FBXL20: variants seen among roughly 807,000 people sequenced by gnomAD.
The protein encoded by FBXL20 is F-box and leucine rich repeat protein 20, also known as F-box/LRR-repeat protein 20.
In FBXL20, 11 loss-of-function variants were observed where a neutral mutation model predicts 64.0. The ratio of observed to expected loss-of-function variants is 0.17; its 90% CI spans 0.11 to 0.28. The LOEUF is 0.28. FBXL20 is among the 10% of genes least tolerant of loss of function. The probability of loss-of-function intolerance (pLI) is 1.00; values close to 1 mark genes in which losing one functional copy is unlikely to be tolerated. For missense variants in FBXL20, 303 were observed against 526.2 expected, an observed-to-expected ratio of 0.58 and a Z score of 4.15; for synonymous variants, 184 against 189.0, an observed-to-expected ratio of 0.97 and a Z score of 0.22.
In FBXL20 at chr17:39,259,981, TAAAAAAAAAAAA is replaced by T. The variant is rs754354912; in HGVS notation, c.*1467_*1478del. The T allele has an allele frequency of 6.4e-5, 5 of 78,532 alleles. No individual in the cohort carries two copies. The highest frequency in any genetic ancestry group is 3.6e-4 in the East Asian group (1 of 2,790). The allele number at this position is 78,532 out of a possible 1,614,324, so 4.9% of individuals were successfully genotyped here. ...TCTGGGCAAGAGTGAGAACCCGTCT[TAAAAAAAAAAAA>T]AAAAAAAAAAAAAGACTGGGGCAGA... On this transcript the variant is annotated 3_prime_UTR_variant, in exon 15 of 15. Coordinates refer to ENST00000264658, the MANE Select transcript of FBXL20 (RefSeq NM_032875.3).
chr17:39,392,831 G>A (rs1361896962), intron 1 of FBXL20, among the ~76,000 whole-genome samples: 3 of 151,984 alleles, frequency 2.0e-5, no homozygotes, highest in Non-Finnish European at 2.9e-5. Flanking sequence ...TGACCAACAC[G>A]GTGAAATCCC....
At chr17:39,384,134 G>A (rs2144661238) in intron 1 of FBXL20, among the ~76,000 whole-genome samples, 1 of 152,114 alleles carries the variant, frequency 6.6e-6, no homozygotes, top group South Asian at 2.1e-4. Flanking sequence ...ACTTGGGAGG[G>A]TAAGGTGGAA....
chr17:39,262,439 C>G (rs2046755137), intron 14 of FBXL20, among the ~76,000 whole-genome samples: 1 of 151,960 alleles, frequency 6.6e-6, no homozygotes, highest in African/African-American at 2.4e-5. Flanking sequence ...TGCCACCATG[C>G]TCGGCTAATT....
intron 2 of FBXL20, among the ~76,000 whole-genome samples, chr17:39,318,851 A>C (rs78739040): frequency 0.022 from 3,418 of 152,122 alleles, 122 homozygotes; most frequent in African/African-American, 0.078. Context: ...CCTAAAAAAG[A>C]AGCTCATAGC....
intron 1 of FBXL20, among the ~76,000 whole-genome samples, chr17:39,361,723 G>C (rs951738034): frequency 6.6e-6 from 1 of 152,024 alleles, no homozygotes; most frequent in Admixed American, 6.6e-5. Context: ...CTTGAACCTG[G>C]GAGGCGGAGT....
intron 2 of FBXL20, among the ~76,000 whole-genome samples, chr17:39,338,918 G>A (rs1251269754): frequency 1.3e-5 from 2 of 152,104 alleles, no homozygotes; most frequent in South Asian, 4.1e-4. Flanking sequence ...TGTAATTCCA[G>A]TACTTTGGGA....
intron 2 of FBXL20, among the ~76,000 whole-genome samples, chr17:39,319,222 C>T (rs929873266): frequency 4.6e-5 from 7 of 151,736 alleles, no homozygotes; most frequent in Non-Finnish European, 8.8e-5. Context: ...GCACTCCAGC[C>T]TGGCAACAGA....
chr17:39,303,575 C>A lies in FBXL20; in HGVS notation c.159+10G>T, dbSNP rs573559655. The A allele has an allele frequency of 1.5e-5, 24 of 1,606,886 alleles. No homozygotes were observed. Among genetic ancestry groups the A allele is most frequent in the Non-Finnish European group, 2.0e-5 (23 of 1,176,412 alleles). On this transcript the variant is annotated intron_variant, in intron 3 of 14. Transcript: ENST00000264658. ...AGGGGTCCCCCTGTAACTATGCCAA[C>A]AATACTTACCCTGGAGACCTGAGCA...
intron 6 of FBXL20, among the ~76,000 whole-genome samples, chr17:39,289,038 T>C (rs1243232520): frequency 1.3e-5 from 2 of 152,144 alleles, no homozygotes; most frequent in Non-Finnish European, 2.9e-5. Context: ...TGAGGTACAA[T>C]TTATCATTTT....
At chr17:39,392,941 C>T (rs1481566298) in intron 1 of FBXL20, among the ~76,000 whole-genome samples, 1 of 150,568 alleles carries the variant, frequency 6.6e-6, no homozygotes, top group Non-Finnish European at 1.5e-5. Context: ...GCGGAGGAGC[C>T]GAGATCGTGT....
chr17:39,401,593 G>A lies in FBXL20; in HGVS notation c.-191C>T, dbSNP rs1597845033. The A allele has an allele frequency of 6.4e-6, 9 of 1,402,076 alleles. No individual in the cohort carries two copies. Among genetic ancestry groups the A allele is most frequent in the Non-Finnish European group, 7.4e-6 (8 of 1,086,672 alleles). The allele number at this position is 1,402,076 out of a possible 1,614,324, so 86.9% of individuals were successfully genotyped here. On this transcript the variant is annotated 5_prime_UTR_variant, in exon 1 of 15. Transcript: ENST00000264658. ...ACCACCTCCCGCGGCGCCGGCGGCC[G>A]CAACGACTGCTCGTCGCTAGCTCGG...
At chr17:39,362,002 C>A (rs1320038927) in intron 1 of FBXL20, among the ~76,000 whole-genome samples, 2 of 150,240 alleles carry the variant, frequency 1.3e-5, no homozygotes, top group Non-Finnish European at 1.5e-5. Context: ...AAAAAAAATG[C>A]CCTGGCCAGG....
At chr17:39,372,743 G>GTAGCTGGCAC (rs1221526342) in intron 1 of FBXL20, among the ~76,000 whole-genome samples, 2 of 150,404 alleles carry the variant, frequency 1.3e-5, no homozygotes, top group Non-Finnish European at 3.0e-5. Context: ...AGCCTCCCAA[G>GTAGCTGGCAC]TAGCTGGCAC....
intron 10 of FBXL20, among the ~76,000 whole-genome samples, chr17:39,273,501 T>C (rs1443688073): frequency 6.6e-6 from 1 of 152,108 alleles, no homozygotes; most frequent in Non-Finnish European, 1.5e-5. Flanking sequence ...GGTTACTTTG[T>C]CTCTTTGTGC....
At chr17:39,371,942 T>C (rs2047922343) in intron 1 of FBXL20, among the ~76,000 whole-genome samples, 1 of 152,166 alleles carries the variant, frequency 6.6e-6, no homozygotes, top group South Asian at 2.1e-4. Flanking sequence ...GTGACCCTGT[T>C]GTCAGCCTCC....
chr17:39,399,330 G>T (rs552921291), intron 1 of FBXL20, among the ~76,000 whole-genome samples: 5 of 152,156 alleles, frequency 3.3e-5, no homozygotes, highest in African/African-American at 1.2e-4. Context: ...CTTTATTTAC[G>T]TATCTTTTAT....
chr17:39,370,059 C>T (rs2047900122), intron 1 of FBXL20, among the ~76,000 whole-genome samples: 1 of 151,844 alleles, frequency 6.6e-6, no homozygotes, highest in South Asian at 2.1e-4. Context: ...TTCAGTGAGC[C>T]GTGAACATTC....
chr17:39,286,601 C>A (rs1463938005), intron 6 of FBXL20, among the ~76,000 whole-genome samples: 2 of 152,054 alleles, frequency 1.3e-5, no homozygotes, highest in African/African-American at 2.4e-5. Context: ...GAGTTCTAGA[C>A]CAGCCTGACC....
intron 2 of FBXL20, among the ~76,000 whole-genome samples, chr17:39,333,562 G>A (rs965679785): frequency 3.3e-5 from 5 of 152,116 alleles, no homozygotes; most frequent in South Asian, 2.1e-4. Flanking sequence ...CTGCCCGGCC[G>A]CCACCCCATC....
Sources: gnomAD v4.1 joint callset for allele counts (sites outside exome capture counted in the v4.1 genomes callset) on GRCh38, gnomAD v4.1.1 for gene constraint, MANE v1.5 for transcripts, NCBI Gene and HGNC (gene_info 2026-07-23, HGNC 2026-07-21) for gene names.